SLC24A3: variants seen among roughly 807,000 people sequenced by gnomAD.
The protein encoded by SLC24A3 is sodium/potassium/calcium exchanger 3.
A neutral mutation model predicts 75.8 loss-of-function variants in SLC24A3; 28 were observed. That is an observed-to-expected ratio of 0.37 (90% confidence interval 0.27 to 0.51). The LOEUF (loss-of-function observed/expected upper bound fraction) is 0.51. SLC24A3 is among the 20% of genes least tolerant of loss of function. The pLI, the probability that SLC24A3 is intolerant of heterozygous loss-of-function variation, is 0.94. For missense variants in SLC24A3, 663 were observed against 847.8 expected, an observed-to-expected ratio of 0.78 and a Z score of 2.71; for synonymous variants, 372 against 334.1, an observed-to-expected ratio of 1.11 and a Z score of -1.24.
intron 1 of SLC24A3, among the ~76,000 whole-genome samples, chr20:19,280,704 T>G (rs190978115): frequency 5.7e-4 from 87 of 152,256 alleles, no homozygotes; most frequent in African/African-American, 1.9e-3. Flanking sequence ...CAAGTGTGCT[T>G]TATCAAGAGA....
chr20:19,618,491 AC>A (rs1476869706), intron 6 of SLC24A3, among the ~76,000 whole-genome samples: 5 of 152,016 alleles, frequency 3.3e-5, no homozygotes, highest in Non-Finnish European at 7.4e-5. Flanking sequence ...CACCCCTATG[AC>A]CTCATTTTAA....
intron 6 of SLC24A3, among the ~76,000 whole-genome samples, chr20:19,585,840 G>T (rs753413440): frequency 6.6e-6 from 1 of 152,122 alleles, no homozygotes; most frequent in Non-Finnish European, 1.5e-5. Flanking sequence ...CATTCATTTT[G>T]GTATGTTACT....
intron 1 of SLC24A3, among the ~76,000 whole-genome samples, chr20:19,272,280 G>T (rs1406526830): frequency 6.6e-6 from 1 of 152,226 alleles, no homozygotes; most frequent in East Asian, 1.9e-4. Context: ...CTCAGTGAGG[G>T]GCCTTCCTGG....
At chr20:19,680,112 CTGTGTCTGTGTG>C (rs1314974187) in intron 9 of SLC24A3, among the ~76,000 whole-genome samples, 6 of 128,594 alleles carry the variant, frequency 4.7e-5, no homozygotes, top group South Asian at 2.3e-4. Flanking sequence ...GAGTGTGTGT[CTGTGTCTGTGTG>C]TGTGTCTGTG....
chr20:19,484,545 G>A (rs772627244), intron 2 of SLC24A3, among the ~76,000 whole-genome samples: 67 of 152,304 alleles, frequency 4.4e-4, no homozygotes, highest in Non-Finnish European at 8.2e-4. Flanking sequence ...TTACACAACG[G>A]ATGAGCCTTG....
At chr20:19,556,576 GA>G (rs10591708) in intron 3 of SLC24A3, among the ~76,000 whole-genome samples, 76,259 of 130,898 alleles carry the variant, frequency 0.58, 21,332 homozygotes, top group South Asian at 0.71. Context: ...GCCAGTGTGT[GA>G]AAAAAAAAAA....
intron 6 of SLC24A3, among the ~76,000 whole-genome samples, chr20:19,588,791 C>T (rs1038308610): frequency 3.3e-5 from 5 of 152,218 alleles, no homozygotes; most frequent in African/African-American, 9.7e-5. Context: ...TTGTGAATTT[C>T]GATCTGCCGT....
chr20:19,279,567 C>T (rs925916855), intron 1 of SLC24A3, among the ~76,000 whole-genome samples: 24 of 152,220 alleles, frequency 1.6e-4, no homozygotes, highest in African/African-American at 5.8e-4. Context: ...TCTTTTCCTT[C>T]CTTTCATGAT....
chr20:19,605,614 C>T (rs916309597), intron 6 of SLC24A3, among the ~76,000 whole-genome samples: 3 of 152,128 alleles, frequency 2.0e-5, no homozygotes, highest in Non-Finnish European at 2.9e-5. Context: ...GTGCTGTCTG[C>T]TTTTTAATTC....
In SLC24A3 at chr20:19,353,505, T is replaced by G. The variant is rs191187190; in HGVS notation, c.271+72418T>G. Among the ~76,000 whole-genome samples the G allele has an allele frequency of 5.9e-5, 9 of 152,338 alleles. No individual in the cohort carries two copies. The East Asian group carries it at 1.7e-3, about 29-fold the overall frequency. ...ATTAACTGGAATCTGTTTGCTCATCTTTTTTCAATAGACTTATTGAGTACC... is the reference window on the plus strand; with the variant it reads ...ATTAACTGGAATCTGTTTGCTCATCGTTTTTCAATAGACTTATTGAGTACC... On this transcript the variant is annotated intron_variant, in intron 2 of 16. Coordinates refer to ENST00000328041, the MANE Select transcript of SLC24A3 (RefSeq NM_020689.4).
intron 2 of SLC24A3, among the ~76,000 whole-genome samples, chr20:19,304,721 A>AG (rs1373928683): frequency 1.3e-5 from 2 of 152,208 alleles, no homozygotes; most frequent in Non-Finnish European, 2.9e-5. Flanking sequence ...ACATTTTACA[A>AG]GGGGGAAAAA....
chr20:19,323,031 C>G (rs11907017), intron 2 of SLC24A3, among the ~76,000 whole-genome samples: 11,075 of 151,306 alleles, frequency 0.073, 1,296 homozygotes, highest in African/African-American at 0.25. Context: ...ACGGTGAAAC[C>G]CCGTCTCTAC....
At chr20:19,635,707 G>A (rs1170117179) in intron 6 of SLC24A3, among the ~76,000 whole-genome samples, 1 of 152,148 alleles carries the variant, frequency 6.6e-6, no homozygotes, top group East Asian at 1.9e-4. Context: ...CTCGAAGACT[G>A]GGCTCATCTA....
At chr20:19,705,651 G>A (rs145950328) in intron 15 of SLC24A3, among the ~76,000 whole-genome samples, 88 of 152,246 alleles carry the variant, frequency 5.8e-4, no homozygotes, top group African/African-American at 2.0e-3. Flanking sequence ...AGCAGCTACT[G>A]TGGGTTTAAT....
At chr20:19,433,475 T>G (rs1987138770) in intron 2 of SLC24A3, among the ~76,000 whole-genome samples, 1 of 152,238 alleles carries the variant, frequency 6.6e-6, no homozygotes, top group African/African-American at 2.4e-5. Flanking sequence ...TAAACTTGCA[T>G]CTGCATCTCT....
intron 2 of SLC24A3, among the ~76,000 whole-genome samples, chr20:19,344,651 C>G (rs1016846125): frequency 3.3e-5 from 5 of 152,158 alleles, no homozygotes; most frequent in African/African-American, 1.2e-4. Context: ...AGGCTTGTCT[C>G]CCAAAATAGG....
intron 2 of SLC24A3, among the ~76,000 whole-genome samples, chr20:19,382,310 G>A (rs1258632610): frequency 6.6e-6 from 1 of 152,098 alleles, no homozygotes; most frequent in Non-Finnish European, 1.5e-5. Flanking sequence ...TGTGTGAAAA[G>A]TTTTAGAGAC....
chr20:19,713,634 G>A (rs1209240645), intron 15 of SLC24A3, among the ~76,000 whole-genome samples: 2 of 149,652 alleles, frequency 1.3e-5, no homozygotes, highest in African/African-American at 4.8e-5. Context: ...TGCGGTGTCT[G>A]TAATCTAGTA....
intron 2 of SLC24A3, among the ~76,000 whole-genome samples, chr20:19,378,747 A>G (rs948777680): frequency 2.0e-5 from 3 of 152,112 alleles, no homozygotes; most frequent in African/African-American, 7.2e-5. Context: ...GCAAGTATGT[A>G]TTTCCTTCAT....
Sources: gnomAD v4.1 joint callset for allele counts (sites outside exome capture counted in the v4.1 genomes callset) on GRCh38, gnomAD v4.1.1 for gene constraint, MANE v1.5 for transcripts, NCBI Gene and HGNC (gene_info 2026-07-23, HGNC 2026-07-21) for gene names.